The following PDE1A variants were observed in gnomAD, a reference collection of about 807,000 sequenced individuals.
The protein encoded by PDE1A is phosphodiesterase 1A.
In PDE1A, 35 loss-of-function variants were observed where a neutral mutation model predicts 61.7. The ratio of observed to expected loss-of-function variants is 0.57; its 90% CI spans 0.43 to 0.75. PDE1A has a LOEUF of 0.75. Among genes scored for constraint, PDE1A ranks in the 30% least tolerant of loss-of-function variants. PDE1A has a pLI of 0.00. For synonymous variants in PDE1A, 232 were observed against 213.2 expected, an observed-to-expected ratio of 1.09 and a Z score of -0.77; for missense variants, 597 against 630.6, an observed-to-expected ratio of 0.95 and a Z score of 0.57.
chr2:182,224,412 T>C (rs1321256788), intron 6 of PDE1A, among the ~76,000 whole-genome samples: 1 of 151,944 alleles, frequency 6.6e-6, no homozygotes, highest in African/African-American at 2.4e-5. Context: ...ATATTCACTT[T>C]CTTACTAGAG....
At chr2:182,661,200 G>C in the PDE1A span, among the ~76,000 whole-genome samples, 1 of 152,122 alleles carries the variant, frequency 6.6e-6, no homozygotes, top group Non-Finnish European at 1.5e-5. Flanking sequence ...AGATTAAAAA[G>C]ATTCTTAAAT....
intron 5 of PDE1A, 74 bp from the exon 6 acceptor site, chr2:182,230,220 A>C (rs907501978): frequency 1.0e-5 from 12 of 1,185,460 alleles, no homozygotes; most frequent in Non-Finnish European, 1.4e-5. Context: ...ACTGTTTGTC[A>C]TGGAACATAT....
chr2:182,708,622 A>T, the PDE1A span, among the ~76,000 whole-genome samples: 2 of 152,060 alleles, frequency 1.3e-5, no homozygotes, highest in African/African-American at 4.8e-5. Flanking sequence ...TCACTATCAC[A>T]GAACAGCATG....
At chr2:182,279,110 A>T (rs888560102) in intron 1 of PDE1A, among the ~76,000 whole-genome samples, 2 of 151,988 alleles carry the variant, frequency 1.3e-5, no homozygotes, top group Admixed American at 1.3e-4. Context: ...AAAATAGGGC[A>T]TAGAGGCAGG....
chr2:182,552,761 C>G, the PDE1A span, among the ~76,000 whole-genome samples: 2 of 152,154 alleles, frequency 1.3e-5, no homozygotes, highest in Admixed American at 6.5e-5. Context: ...CCCAGGCATT[C>G]GAGCCAGCAA....
the PDE1A span, among the ~76,000 whole-genome samples, chr2:182,563,596 A>G: frequency 6.6e-6 from 1 of 152,178 alleles, no homozygotes; most frequent in South Asian, 2.1e-4. Flanking sequence ...GCTGAGTTCA[A>G]TTCCTGGGTA....
rs371340462 is a variant in PDE1A, at chr2:182,266,056, T to A, written c.54-1642A>T. ...CCATAAGCAATAGTTCATTTCTCTA[T>A]GGGAAAAAAAAGACACACCTAAATG... On this transcript the variant is annotated intron_variant, in intron 1 of 13. Coordinates refer to ENST00000351439, the Ensembl canonical transcript of PDE1A. Among the ~76,000 whole-genome samples the A allele has an allele frequency of 2.0e-3, 311 of 152,096 alleles. 1 individual carries two copies. The highest frequency in any genetic ancestry group is 6.8e-3 in the African/African-American group (283 of 41,516).
chr2:182,654,359 T>C, the PDE1A span, among the ~76,000 whole-genome samples: 1 of 152,180 alleles, frequency 6.6e-6, no homozygotes, highest in Non-Finnish European at 1.5e-5. Flanking sequence ...CTTTAAGTCT[T>C]TGGGAGTAGC....
At chr2:182,481,356 C>A (rs1251675403) in intron 2 of PDE1A, among the ~76,000 whole-genome samples, 3 of 151,818 alleles carry the variant, frequency 2.0e-5, no homozygotes, top group Non-Finnish European at 4.4e-5. Context: ...TGTCATGGAA[C>A]CTGTGCTTGA....
At chr2:182,467,976 T>TA (rs1686782029) in intron 2 of PDE1A, among the ~76,000 whole-genome samples, 1 of 152,006 alleles carries the variant, frequency 6.6e-6, no homozygotes, top group African/African-American at 2.4e-5. Context: ...ACAACATAGA[T>TA]ACCTTAATTT....
intron 2 of PDE1A, among the ~76,000 whole-genome samples, chr2:182,492,212 A>G (rs1169160296): frequency 6.6e-6 from 1 of 152,050 alleles, no homozygotes; most frequent in Non-Finnish European, 1.5e-5. Context: ...TACCTATTTC[A>G]TACTAAATTG....
At chr2:182,337,646 T>C (rs1039734467) in intron 1 of PDE1A, among the ~76,000 whole-genome samples, 3 of 152,186 alleles carry the variant, frequency 2.0e-5, no homozygotes, top group Non-Finnish European at 2.9e-5. Flanking sequence ...ATTAGAAAGC[T>C]GCTTCATTTC....
At chr2:182,360,310 A>G (rs891347852) in intron 1 of PDE1A, among the ~76,000 whole-genome samples, 4 of 152,116 alleles carry the variant, frequency 2.6e-5, no homozygotes, top group African/African-American at 9.7e-5. Context: ...TTAAATTCGT[A>G]TAATCTCATC....
intron 1 of PDE1A, among the ~76,000 whole-genome samples, chr2:182,299,027 G>A (rs1032820571): frequency 6.6e-6 from 1 of 152,034 alleles, no homozygotes; most frequent in Non-Finnish European, 1.5e-5. Context: ...AACTAGGAAA[G>A]CTAGGTCCCC....
At chr2:182,157,019 ATTTTT>A (rs1188867398) in intron 13 of PDE1A, among the ~76,000 whole-genome samples, 2 of 120,506 alleles carry the variant, frequency 1.7e-5, no homozygotes, top group Admixed American at 7.4e-5. Flanking sequence ...ATTTTATTTT[ATTTTT>A]TTTTTTTTGA....
At chr2:182,366,254 T>C (rs572795664) in intron 1 of PDE1A, among the ~76,000 whole-genome samples, 1 of 152,164 alleles carries the variant, frequency 6.6e-6, no homozygotes, top group South Asian at 2.1e-4. Context: ...CAAAAAAGGA[T>C]AAGATCCACT....
chr2:182,302,641 A>G lies in PDE1A; in HGVS notation c.54-38227T>C, dbSNP rs552229067. ...TAGCTGTGCCAGTTTCTTAAAAATA[A>G]GGCAACAATCAAGTTTGTCACACTG... is the stretch of plus-strand genomic sequence containing the variant. On this transcript the variant is annotated intron_variant, in intron 1 of 13. Coordinates refer to ENST00000351439, the Ensembl canonical transcript of PDE1A. Among the ~76,000 whole-genome samples the G allele has an allele frequency of 2.3e-4, 35 of 152,312 alleles. No individual in the cohort carries two copies. In the South Asian group the frequency reaches 6.6e-3, roughly 29 times the overall value.
chr2:182,224,923 G>C (rs754325041), intron 6 of PDE1A, among the ~76,000 whole-genome samples: 4 of 151,834 alleles, frequency 2.6e-5, no homozygotes, highest in Non-Finnish European at 5.9e-5. Flanking sequence ...TTGATGGTAC[G>C]AATGCGGAAT....
At chr2:182,141,954 T>C (rs1271297582) in exon 15 of PDE1A, 1 of 152,236 alleles carries the variant, frequency 6.6e-6, no homozygotes, top group East Asian at 1.9e-4. Context: ...AAGGTAGTTT[T>C]TCAGCTTTAA....
Sources: gnomAD v4.1 joint callset for allele counts (sites outside exome capture counted in the v4.1 genomes callset) on GRCh38, gnomAD v4.1.1 for gene constraint, MANE v1.5 for transcripts, NCBI Gene and HGNC (gene_info 2026-07-23, HGNC 2026-07-21) for gene names.